CCN4: variants seen among roughly 807,000 people sequenced by gnomAD.
CCN4 encodes CCN family member 4.
In CCN4, 30 loss-of-function variants were observed where a neutral mutation model predicts 36.7. The observed-to-expected ratio is 0.82, with a 90% CI of 0.61 to 1.11. The LOEUF (loss-of-function observed/expected upper bound fraction) is 1.11. CCN4 is among the 50% of genes least tolerant of loss of function. The probability of loss-of-function intolerance (pLI) is 0.00; values close to 1 mark genes in which losing one functional copy is unlikely to be tolerated. For synonymous variants in CCN4, 191 were observed against 195.4 expected (o/e 0.98, Z 0.19); for missense variants, 505 against 504.9 (o/e 1.00, Z 0.00).
chr8:133,208,825 C>G (rs1379286230), intron 1 of CCN4, among the ~76,000 whole-genome samples: 1 of 152,208 alleles, frequency 6.6e-6, no homozygotes, highest in Admixed American at 6.5e-5. Context: ...CTGCTTGGCT[C>G]TCACACTGCA....
chr8:133,197,008 G>A (rs1853411453), intron 1 of CCN4, among the ~76,000 whole-genome samples: 1 of 152,154 alleles, frequency 6.6e-6, no homozygotes, highest in Admixed American at 6.5e-5. Context: ...CCATAGCCTG[G>A]CCAGCTTACC....
At chr8:133,199,395 T>G (rs1229569582) in intron 1 of CCN4, among the ~76,000 whole-genome samples, 4 of 152,134 alleles carry the variant, frequency 2.6e-5, no homozygotes, top group African/African-American at 9.7e-5. Context: ...CCCAAGCCCT[T>G]AAATTTCCTG....
chr8:133,194,483 TG>T (rs1367821050), intron 1 of CCN4, among the ~76,000 whole-genome samples: 1 of 44,604 alleles, frequency 2.2e-5, no homozygotes, highest in Non-Finnish European at 3.9e-5. Context: ...GTGTGTGTGG[TG>T]GGGGGTGTGG....
chr8:133,202,157 C>A (rs1161067921), intron 1 of CCN4, among the ~76,000 whole-genome samples: 1 of 152,138 alleles, frequency 6.6e-6, no homozygotes, highest in Non-Finnish European at 1.5e-5. Context: ...ATGTATTTTA[C>A]CCTTGATGTT....
At chr8:133,194,699 G>GTGT (rs1564248453) in intron 1 of CCN4, among the ~76,000 whole-genome samples, 1 of 58,464 alleles carries the variant, frequency 1.7e-5, no homozygotes, top group African/African-American at 9.3e-5. Context: ...GTGTGTGGAG[G>GTGT]GTGTGTGTGG....
intron 1 of CCN4, among the ~76,000 whole-genome samples, chr8:133,194,496 G>GC: frequency 1.9e-5 from 2 of 104,420 alleles, no homozygotes; most frequent in East Asian, 3.3e-4. Context: ...GGGGTGTGGT[G>GC]TGTGTGGAAC....
intron 2 of CCN4, among the ~76,000 whole-genome samples, chr8:133,219,263 C>T (rs1373032829): frequency 6.6e-6 from 1 of 152,196 alleles, no homozygotes; most frequent in Admixed American, 6.5e-5. Context: ...ACCTCCTCTC[C>T]TTCCCTTTTC....
At chr8:133,211,011 G>C (rs1020962483) in intron 1 of CCN4, among the ~76,000 whole-genome samples, 1 of 152,216 alleles carries the variant, frequency 6.6e-6, no homozygotes, top group Non-Finnish European at 1.5e-5. Context: ...GGTTTTGTCT[G>C]TTGACTTGCA....
At chr8:133,218,924 C>T (rs1159746188) in intron 2 of CCN4, among the ~76,000 whole-genome samples, 3 of 152,186 alleles carry the variant, frequency 2.0e-5, no homozygotes, top group Non-Finnish European at 2.9e-5. Context: ...GAGCATCTTC[C>T]TCCTTCTCGA....
chr8:133,200,277 G>T (rs952678664), intron 1 of CCN4, among the ~76,000 whole-genome samples: 1 of 152,168 alleles, frequency 6.6e-6, no homozygotes, highest in Non-Finnish European at 1.5e-5. Context: ...CTTGTCCAAG[G>T]CCACCAGCTT....
chr8:133,206,068 G>A (rs541704561), intron 1 of CCN4, among the ~76,000 whole-genome samples: 6 of 152,144 alleles, frequency 3.9e-5, no homozygotes, highest in African/African-American at 1.2e-4. Context: ...CCACAGGTGC[G>A]GCATGGGAGT....
At chr8:133,208,643 G>T (rs1404092799) in intron 1 of CCN4, among the ~76,000 whole-genome samples, 1 of 152,114 alleles carries the variant, frequency 6.6e-6, no homozygotes, top group Non-Finnish European at 1.5e-5. Flanking sequence ...TGCCAGCTCA[G>T]TGCCTGTGCA....
rs764263981 is a variant in CCN4 at position 133,220,679 on chromosome 8, G to A, written c.448G>A (p.Ala150Thr). 20 of 1,613,892 alleles carry A rather than the reference G, an allele frequency of 1.2e-5. No homozygotes were observed. The highest frequency in any genetic ancestry group is 1.6e-4 in the Middle Eastern group (1 of 6,084). The change falls in exon 3 of 5, where the codon GCG becomes ACG. Residue 150 changes from alanine (A) to threonine (T), a missense_variant. Transcript: ENST00000250160. ...CKYNCTCIDG[A>T]VGCTPLCLRV... ...GTACAACTGCACGTGCATCGACGGC[G>A]CGGTGGGCTGCACACCACTGTGCCT...
intron 1 of CCN4, among the ~76,000 whole-genome samples, chr8:133,211,609 T>C (rs1854037745): frequency 6.6e-6 from 1 of 152,184 alleles, no homozygotes; most frequent in Non-Finnish European, 1.5e-5. Context: ...GGAAAGCAGA[T>C]CTGTGATCCC....
chr8:133,209,031 C>G (rs1853887100), intron 1 of CCN4, among the ~76,000 whole-genome samples: 1 of 152,184 alleles, frequency 6.6e-6, no homozygotes. Flanking sequence ...GTCTTAGGCA[C>G]CTTCGTCTCC....
At chr8:133,227,272 T>G in intron 4 of CCN4, 139 bp from the exon 5 acceptor site, 1 of 797,362 alleles carries the variant, frequency 1.3e-6, no homozygotes, top group Admixed American at 2.8e-5. Flanking sequence ...TGTCCCTCCT[T>G]GCTTGAGGAT....
chr8:133,220,534 CA>C, intron 2 of CCN4, 46 bp from the exon 3 acceptor site: 1 of 1,593,382 alleles, frequency 6.3e-7, no homozygotes, highest in Non-Finnish European at 8.6e-7. Flanking sequence ...CTGGGCCAGC[CA>C]GGGGCACCAA....
intron 1 of CCN4, 68 bp from the exon 2 acceptor site, chr8:133,212,796 G>T (rs1258970291): frequency 5.0e-5 from 63 of 1,251,138 alleles, no homozygotes; most frequent in Non-Finnish European, 6.8e-5. Flanking sequence ...GAATGCAATG[G>T]CAGGGCCCTT....
intron 3 of CCN4, among the ~76,000 whole-genome samples, chr8:133,221,559 TGGAA>T (rs1854528484): frequency 6.6e-6 from 1 of 151,796 alleles, no homozygotes; most frequent in African/African-American, 2.4e-5. Flanking sequence ...GATGGATGGA[TGGAA>T]GGATGATGAA....
Sources: allele counts gnomAD v4.1 joint callset (sites outside exome capture counted in the v4.1 genomes callset), GRCh38; gene constraint gnomAD v4.1.1; transcripts MANE v1.5; gene names NCBI Gene and HGNC (gene_info 2026-07-23, HGNC 2026-07-21).